The following PCDH18 variants were observed in gnomAD, a reference collection of about 807,000 sequenced individuals.
The protein encoded by PCDH18 is protocadherin-18.
PCDH18 carries 38 observed loss-of-function variants against 71.5 expected under a neutral mutation model. The ratio of observed to expected loss-of-function variants is 0.53; its 90% CI spans 0.41 to 0.70. The LOEUF (loss-of-function observed/expected upper bound fraction) is 0.70, where lower values mean the gene tolerates loss of function less well. Among genes scored for constraint, PCDH18 ranks in the 30% least tolerant of loss-of-function variants. The pLI, the probability that PCDH18 is intolerant of heterozygous loss-of-function variation, is 0.00. For synonymous variants in PCDH18, 565 were observed against 505.4 expected (o/e 1.12, Z -1.58); for missense variants, 1,334 against 1,384.6 (o/e 0.96, Z 0.58).
chr4:137,521,434 T>C lies in PCDH18; in HGVS notation c.3003A>G (p.Thr1001=). The C allele has an allele frequency of 6.2e-7, 1 of 1,614,206 alleles. No homozygotes were observed. The highest frequency in any genetic ancestry group is 1.1e-5 in the South Asian group (1 of 91,082). ...PNDEDTGDTS[T]SSLLSEMSSV... Reference sequence around the variant, plus strand: ...TGCTCATTTCCGAGAGCAGAGATGATGTGCTGGTATCCCCAGTGTCCTCAT... The same window carrying C: ...TGCTCATTTCCGAGAGCAGAGATGACGTGCTGGTATCCCCAGTGTCCTCAT... Residue 1001 remains threonine, a synonymous_variant, in exon 4 of 4, where the codon ACA becomes ACG. Coordinates refer to ENST00000344876, the MANE Select transcript of PCDH18 (RefSeq NM_019035.5).
chr4:137,519,282 C>T lies in PCDH18; in HGVS notation c.*1747G>A, dbSNP rs1374218895. On this transcript the variant is annotated 3_prime_UTR_variant, in exon 4 of 4. Transcript: ENST00000344876. Reference sequence around the variant, plus strand: ...GTCACTTTTCAGTTACTTAACTTTCCCAGTGTTTCAATTCCTGACTAGCAA... The same window carrying T: ...GTCACTTTTCAGTTACTTAACTTTCTCAGTGTTTCAATTCCTGACTAGCAA... The T allele has an allele frequency of 6.6e-6, 1 of 152,036 alleles. No individual in the cohort carries two copies. Among genetic ancestry groups the T allele is most frequent in the African/African-American group, 2.4e-5 (1 of 41,374 alleles). 9.4% of individuals were successfully genotyped at this position (152,036 alleles called of 1,614,324 possible). A position where few individuals can be genotyped will look rare whatever the true frequency, so the allele number is the denominator to read the frequency against.
chr4:137,530,846 A>G lies in PCDH18; in HGVS notation c.1243T>C (p.Tyr415His). The G allele has an allele frequency of 6.2e-7, 1 of 1,609,430 alleles. No individual in the cohort carries two copies. Among genetic ancestry groups the G allele is most frequent in the Non-Finnish European group, 8.5e-7 (1 of 1,177,308 alleles). ...AGTGTGGCATTAGTTAAGATTAAAT[A>G]ATTGTTTTCATATGTCTTCTGAAGT... The part of the protein sequence containing the change: ...FKLQKTYENN[Y>H]LILTNATLDR... Residue 415 changes from tyrosine to histidine, a missense_variant, in exon 1 of 4, where the codon TAT (tyrosine) becomes CAT (histidine). Around this residue, in one of 3 missense-constraint regions of PCDH18, gnomAD observed 1,011 missense variants for 1,048.0 expected, o/e 0.96. Transcript: ENST00000344876.
At position 137,530,973 on chromosome 4, in the gene PCDH18, C is replaced by T; in HGVS notation, c.1116G>A (p.Gly372=). ...AAGCAACAAATGTATCAATAGGATCCCCTTCAAAAATATAAGATATTTCTT... is the reference window on the plus strand; with the variant it reads ...AAGCAACAAATGTATCAATAGGATCTCCTTCAAAAATATAAGATATTTCTT... ...GKEEISYIFE[G]DPIDTFVALV... is the part of the protein sequence containing the mutation. Residue 372 remains glycine, a synonymous_variant, in exon 1 of 4, where the codon GGG becomes GGA. Coordinates refer to ENST00000344876, the MANE Select transcript of PCDH18 (RefSeq NM_019035.5). 1.9e-6 allele frequency: 3 copies of T among 1,613,498 alleles called. No homozygotes were observed. The highest frequency in any genetic ancestry group is 2.5e-6 in the Non-Finnish European group (3 of 1,179,768).
rs1165418870 is a variant in PCDH18, at chr4:137,521,667, C to T, written c.2770G>A (p.Val924Ile). ...AMRLCTEECRVLGHSDQCWMP... is the reference protein window; with the variant it reads ...AMRLCTEECRILGHSDQCWMP... ...CAGCACTGGTCAGAGTGTCCCAGGA[C>T]CCTGCACTCCTCCGTGCAGAGTCTC... Residue 924 changes from valine (V) to isoleucine (I), a missense_variant, in exon 4 of 4, where the codon GTC becomes ATC. Physicochemically the swap from Val to Ile is conservative, Grantham distance 29. Coordinates refer to ENST00000344876, the MANE Select transcript of PCDH18 (RefSeq NM_019035.5). 1 of 1,609,502 alleles carries T rather than the reference C, an allele frequency of 6.2e-7. No homozygotes were observed. Among genetic ancestry groups the T allele is most frequent in the Admixed American group, 1.7e-5 (1 of 59,988 alleles).
chr4:137,531,987 A>C lies in PCDH18; in HGVS notation c.102T>G (p.Ile34Met), dbSNP rs759824533. 32 of 1,613,904 alleles carry C rather than the reference A, an allele frequency of 2.0e-5. No individual in the cohort carries two copies. The African/African-American group carries it at 3.7e-4, about 19-fold the overall frequency. Residue 34 changes from isoleucine to methionine, a missense_variant, in exon 1 of 4, where the codon ATT (isoleucine) becomes ATG (methionine). Ile to Met is a conservative substitution (Grantham distance 10). Around this residue, in one of 3 missense-constraint regions of PCDH18, gnomAD observed 1,011 missense variants for 1,048.0 expected, o/e 0.96. Transcript: ENST00000344876. ...DVLGKNLKYRIYEEQRVGSVI... is the reference protein window; with the variant it reads ...DVLGKNLKYRMYEEQRVGSVI... ...CTGATCCAACCCTCTGTTCCTCATAAATCCTGTATTTCAAATTCTTGCCCA... is the reference window on the plus strand; with the variant it reads ...CTGATCCAACCCTCTGTTCCTCATACATCCTGTATTTCAAATTCTTGCCCA...
At chr4:137,526,714 A>G (rs550035650) in intron 3 of PCDH18, among the ~76,000 whole-genome samples, 1 of 152,238 alleles carries the variant, frequency 6.6e-6, no homozygotes, top group East Asian at 1.9e-4. Flanking sequence ...TATTACTGTG[A>G]TAACAGAATT....
At chr4:137,521,886 C>T (rs1436800297) in intron 3 of PCDH18, among the ~76,000 whole-genome samples, 190 bp from the exon 4 acceptor site, 1 of 152,164 alleles carries the variant, frequency 6.6e-6, no homozygotes, top group Non-Finnish European at 1.5e-5. Context: ...TTATAGACCT[C>T]CATAAGTGTT....
At chr4:137,525,855 T>A (rs10020997) in intron 3 of PCDH18, among the ~76,000 whole-genome samples, 76,910 of 151,374 alleles carry the variant, frequency 0.51, 20,739 homozygotes, top group African/African-American at 0.7. Flanking sequence ...GATTTTTTTT[T>A]AAAAATTGTC....
chr4:137,521,158 A>G lies in PCDH18; in HGVS notation c.3279T>C (p.Pro1093=), dbSNP rs763818327. 5.0e-6 allele frequency: 8 copies of G among 1,614,172 alleles called. No homozygotes were observed. Among genetic ancestry groups the G allele is most frequent in the African/African-American group, 4.0e-5 (3 of 75,070 alleles). The change falls in exon 4 of 4, where the codon CCT becomes CCC. Residue 1093 remains proline (P), a synonymous_variant. Coordinates refer to ENST00000344876, the MANE Select transcript of PCDH18 (RefSeq NM_019035.5). The part of the protein sequence containing the change: ...SKWLPAMEEI[P]ENYEEDDFDN... ...CAAAATCATCTTCCTCATAATTTTC[A>G]GGGATCTCCTCCATGGCTGGCAGCC...
intron 3 of PCDH18, among the ~76,000 whole-genome samples, chr4:137,524,570 T>G (rs977550079): frequency 6.6e-6 from 1 of 152,076 alleles, no homozygotes; most frequent in South Asian, 2.1e-4. Flanking sequence ...TGAATAGGAT[T>G]CAGTTACACA....
At chr4:137,524,070 C>T (rs1263712672) in intron 3 of PCDH18, among the ~76,000 whole-genome samples, 1 of 152,044 alleles carries the variant, frequency 6.6e-6, no homozygotes, top group Non-Finnish European at 1.5e-5. Flanking sequence ...AATTCAGTGC[C>T]ACAAATGTTC....
intron 3 of PCDH18, among the ~76,000 whole-genome samples, chr4:137,523,285 CT>C (rs1731355166): frequency 1.3e-5 from 2 of 151,004 alleles, no homozygotes; most frequent in South Asian, 2.1e-4. Flanking sequence ...AGAATAAAAG[CT>C]TTTTTAGATT....
Position 137,519,084 on chromosome 4 carries a change from G to A in PCDH18, c.*1945C>T, listed in dbSNP as rs1451685944. On this transcript the variant is annotated 3_prime_UTR_variant, in exon 4 of 4. Coordinates refer to ENST00000344876, the MANE Select transcript of PCDH18 (RefSeq NM_019035.5). Reference sequence around the variant, plus strand: ...ATACTGAAAGGAAGTGAAGTTGAAAGGCAGAATGCATTTAAATATGGTTAG... The same window carrying A: ...ATACTGAAAGGAAGTGAAGTTGAAAAGCAGAATGCATTTAAATATGGTTAG... 1 of 152,126 alleles carries A rather than the reference G, an allele frequency of 6.6e-6. No individual in the cohort carries two copies. Among genetic ancestry groups the A allele is most frequent in the East Asian group, 1.9e-4 (1 of 5,190 alleles). 9.4% of individuals were successfully genotyped at this position (152,126 alleles called of 1,614,324 possible).
At position 137,520,879 on chromosome 4, in the gene PCDH18, C is replaced by T; in HGVS notation, c.*150G>A. ...TAATCACACTTGCATTGTGTACATA[C>T]GAAAATACAGTATTTAATATTCAAT... On this transcript the variant is annotated 3_prime_UTR_variant, in exon 4 of 4. Coordinates refer to ENST00000344876, the MANE Select transcript of PCDH18 (RefSeq NM_019035.5). 3.5e-6 allele frequency: 2 copies of T among 568,704 alleles called. No homozygotes were observed. Among genetic ancestry groups the T allele is most frequent in the South Asian group, 2.7e-5 (1 of 37,088 alleles). The allele number at this position is 568,704 out of a possible 1,614,324, so 35.2% of individuals were successfully genotyped here.
rs1303321098 is a variant in PCDH18 at position 137,521,352 on chromosome 4, C to T, written c.3085G>A (p.Val1029Met). ...SLDTYSECSE[V>M]DRSNSLERRK... is the part of the protein sequence containing the mutation. ...CGCTCCAGGGAGTTGGACCGATCCA[C>T]CTCACTGCATTCAGAATAGGTGTCC... Residue 1029 changes from valine to methionine, a missense_variant, in exon 4 of 4, where the codon GTG becomes ATG. Transcript: ENST00000344876. The T allele has an allele frequency of 8.1e-6, 13 of 1,614,024 alleles. No homozygotes were observed. In the South Asian group the frequency reaches 1.3e-4, roughly 16 times the overall value.
In PCDH18 at chr4:137,531,403, G is replaced by A. The variant is rs778791264; in HGVS notation, c.686C>T (p.Ser229Leu). 3.1e-6 allele frequency: 5 copies of A among 1,612,572 alleles called. No homozygotes were observed. In the African/African-American group the frequency reaches 5.3e-5, roughly 17 times the overall value. Reference sequence around the variant, plus strand: ...TGAAATGCTTATTTTTAGTATGGATGAGCCAGACCTCTGAGGTACTCCCAT... The same window carrying A: ...TGAAATGCTTATTTTTAGTATGGATAAGCCAGACCTCTGAGGTACTCCCAT... ...SDMGVPQRSGSSILKISISDS... is the reference protein window; with the variant it reads ...SDMGVPQRSGLSILKISISDS... The change falls in exon 1 of 4, where the codon TCA (serine) becomes TTA (leucine). Residue 229 changes from serine (S) to leucine (L), a missense_variant. Transcript: ENST00000344876.
intron 3 of PCDH18, among the ~76,000 whole-genome samples, chr4:137,526,528 T>G: frequency 6.6e-6 from 1 of 152,086 alleles, no homozygotes; most frequent in South Asian, 2.1e-4. Flanking sequence ...TCTAAATATA[T>G]TCCACTAAAT....
intron 3 of PCDH18, among the ~76,000 whole-genome samples, chr4:137,526,670 C>CA (rs908453217): frequency 1.3e-4 from 20 of 152,058 alleles, no homozygotes; most frequent in Admixed American, 1.2e-3. Context: ...AAGTCCCCCC[C>CA]ATACGTTCAT....
At position 137,521,559 on chromosome 4, in the gene PCDH18, G is replaced by C; in HGVS notation, c.2878C>G (p.Gln960Glu). The C allele has an allele frequency of 6.2e-7, 1 of 1,614,112 alleles. No individual in the cohort carries two copies. Among genetic ancestry groups the C allele is most frequent in the South Asian group, 1.1e-5 (1 of 91,084 alleles). ...PGEEFPTQPQ[Q>E]QHPHQSLEDD... ...TCAAGACTCTGATGTGGATGCTGCT[G>C]CTGGGGTTGCGTTGGGAATTCTTCC... The change falls in exon 4 of 4, where the codon CAG (glutamine) becomes GAG (glutamate). Residue 960 changes from glutamine to glutamate, a missense_variant. Gln to Glu is a conservative substitution (Grantham distance 29). Around this residue, in one of 3 missense-constraint regions of PCDH18, gnomAD observed 319 missense variants for 316.3 expected, o/e 1.01. Transcript: ENST00000344876.
Sources: allele counts gnomAD v4.1 joint callset (sites outside exome capture counted in the v4.1 genomes callset), GRCh38; gene constraint gnomAD v4.1.1; regional missense constraint gnomAD v4.1.1; transcripts MANE v1.5; gene names NCBI Gene and HGNC (gene_info 2026-07-23, HGNC 2026-07-21).